CUL9: variants seen among roughly 807,000 people sequenced by gnomAD.
The protein encoded by CUL9 is cullin-9.
A neutral mutation model predicts 272.6 loss-of-function variants in CUL9; 79 were observed. The observed-to-expected ratio is 0.29, with a 90% confidence interval of 0.24 to 0.35. The LOEUF is 0.35. Among genes scored for constraint, CUL9 ranks in the 10% least tolerant of loss-of-function variants. The probability of loss-of-function intolerance (pLI) is 1.00; values close to 1 mark genes in which losing one functional copy is unlikely to be tolerated. For synonymous variants in CUL9, 1,186 were observed against 1,286.5 expected (o/e 0.92, Z 1.67); for missense variants, 2,532 against 3,255.6 (o/e 0.78, Z 5.41).
In CUL9 at chr6:43,196,067, A is replaced by G; in HGVS notation, c.2389-2A>G. The G allele has an allele frequency of 6.2e-7, 1 of 1,609,836 alleles. No individual in the cohort carries two copies. Among genetic ancestry groups the G allele is most frequent in the Non-Finnish European group, 8.5e-7 (1 of 1,176,994 alleles). On this transcript the variant is annotated splice_acceptor_variant, in intron 9 of 40. Coordinates refer to ENST00000252050, the MANE Select transcript of CUL9 (RefSeq NM_015089.4). LOFTEE classifies it high-confidence loss of function. ...CACTCTGCTTTCACATCCCCCTCAC[A>G]GGCACTGAAGATGCTGGCCGTCGCC...
chr6:43,198,225 C>A (rs1211016558), intron 11 of CUL9: 1 of 983,740 alleles, frequency 1.0e-6, no homozygotes, highest in African/African-American at 1.7e-5. Context: ...TGGGTGACAG[C>A]GCTCTGTGTA....
intron 29 of CUL9, among the ~76,000 whole-genome samples, chr6:43,214,599 G>A (rs766904296): frequency 1.4e-4 from 21 of 152,008 alleles, no homozygotes; most frequent in Admixed American, 1.3e-4. Context: ...TCAGGAATTC[G>A]TGACCAGCCT....
At chr6:43,182,411 C>T (rs1319571100) in intron 1 of CUL9, among the ~76,000 whole-genome samples, 162 bp downstream of exon 1, 2 of 148,714 alleles carry the variant, frequency 1.3e-5, no homozygotes, top group Admixed American at 6.7e-5. Flanking sequence ...AACCATCCTT[C>T]CCCCTCCCCC....
Position 43,223,577 on chromosome 6 carries a change from C to T in CUL9, c.7284+180C>T, listed in dbSNP as rs1020258405. ...GCCAACCTGCCTGATGCTGCTGGAC[C>T]CTATCACTTCACCTCCTGGGGATTC... On this transcript the variant is annotated intron_variant, in intron 39 of 40. Coordinates refer to ENST00000252050, the MANE Select transcript of CUL9 (RefSeq NM_015089.4). The surrounding 1 kb of genome is among the most constrained non-coding windows in gnomAD (Gnocchi z 4.1). 3.1e-5 allele frequency: 23 copies of T among 732,480 alleles called. No individual in the cohort carries two copies. In the African/African-American group the frequency reaches 4.2e-4, roughly 13 times the overall value. 45.4% of individuals were successfully genotyped at this position (732,480 alleles called of 1,614,324 possible). A position where few individuals can be genotyped will look rare whatever the true frequency, so the allele number is the denominator to read the frequency against.
At chr6:43,198,384 G>A in intron 11 of CUL9, 1 of 981,860 alleles carries the variant, frequency 1.0e-6, no homozygotes, top group Non-Finnish European at 1.2e-6. Flanking sequence ...AATGTCTTGT[G>A]TTTAACTCGA....
Position 43,200,483 on chromosome 6 carries a change from C to T in CUL9, c.3432C>T (p.Ile1144=), listed in dbSNP as rs1483500139. ...IEDHRRTHQP[I]NIPFFDVFLR... ...ACCACAGACGAACCCACCAACCCAT[C>T]AATATCCCCTTCTTTGATGTGTTCC... The change falls in exon 15 of 41, where the codon ATC becomes ATT. Residue 1144 remains isoleucine, a synonymous_variant. Coordinates refer to ENST00000252050, the MANE Select transcript of CUL9 (RefSeq NM_015089.4). This position sits in a 1 kb window ranked among gnomAD's most constrained non-coding sequence, Gnocchi z 4.0. 6.2e-7 allele frequency: 1 copy of T among 1,614,078 alleles called. No homozygotes were observed. Among genetic ancestry groups the T allele is most frequent in the Non-Finnish European group, 8.5e-7 (1 of 1,180,056 alleles).
Position 43,184,621 on chromosome 6 carries a change from C to T in CUL9, c.311C>T (p.Pro104Leu). ...AGVSGSFPRD[P>L]GGLDEVAMGE... Reference sequence around the variant, plus strand: ...GTTTCAGGAAGCTTTCCTCGAGATCCAGGAGGCCTGGATGAAGTGGCAATG... The same window carrying T: ...GTTTCAGGAAGCTTTCCTCGAGATCTAGGAGGCCTGGATGAAGTGGCAATG... Residue 104 changes from proline (P) to leucine (L), a missense_variant, in exon 2 of 41, where the codon CCA becomes CTA. By Grantham distance (98) the Pro-to-Leu change is moderately conservative. Coordinates refer to ENST00000252050, the MANE Select transcript of CUL9 (RefSeq NM_015089.4). The surrounding 1 kb of genome is among the most constrained non-coding windows in gnomAD (Gnocchi z 4.8). The T allele has an allele frequency of 6.2e-7, 1 of 1,612,280 alleles. No homozygotes were observed. Among genetic ancestry groups the T allele is most frequent in the Admixed American group, 1.7e-5 (1 of 59,972 alleles).
chr6:43,220,797 C>A lies in CUL9; in HGVS notation c.6474C>A (p.Thr2158=). The A allele has an allele frequency of 1.2e-6, 2 of 1,613,524 alleles. No individual in the cohort carries two copies. Among genetic ancestry groups the A allele is most frequent in the Non-Finnish European group, 1.7e-6 (2 of 1,179,986 alleles). ...ATGTGGAGAGCTGCTCCAACCTGAC[C>A]TGGTGCACCAACCCCCAGGGCTGCG... The part of the protein sequence containing the change: ...RGYVESCSNL[T]WCTNPQGCDR... The change falls in exon 33 of 41, where the codon ACC becomes ACA. Residue 2158 remains threonine (T), a synonymous_variant. Coordinates refer to ENST00000252050, the MANE Select transcript of CUL9 (RefSeq NM_015089.4). This position sits in a 1 kb window ranked among gnomAD's most constrained non-coding sequence, Gnocchi z 4.9.
chr6:43,220,386 T>C lies in CUL9; in HGVS notation c.6283-73T>C. On this transcript the variant is annotated intron_variant, in intron 31 of 40. Transcript: ENST00000252050. This position sits in a 1 kb window ranked among gnomAD's most constrained non-coding sequence, Gnocchi z 4.9. ...GGGGAAGGGAAGGAGGGACGCTAGC[T>C]TAGTTACCAGGACACTCCCCCTGTG... 1.9e-6 allele frequency: 3 copies of C among 1,550,424 alleles called. No individual in the cohort carries two copies. The highest frequency in any genetic ancestry group is 2.6e-6 in the Non-Finnish European group (3 of 1,133,484).
Position 43,186,119 on chromosome 6 carries a change from T to C in CUL9, c.915T>C (p.Ala305=). 6.2e-7 allele frequency: 1 copy of C among 1,614,214 alleles called. No individual in the cohort carries two copies. Among genetic ancestry groups the C allele is most frequent in the Non-Finnish European group, 8.5e-7 (1 of 1,180,014 alleles). ...AGCGGGAACTGGAGTTCAGCATGGC[T>C]GTGGGCAACCTCATCTCTGAGCTTG... is the stretch of plus-strand genomic sequence containing the variant. ...RGQRELEFSM[A]VGNLISELVR... The change falls in exon 4 of 41, where the codon GCT becomes GCC. Residue 305 remains alanine (A), a synonymous_variant. Transcript: ENST00000252050.
rs1450784538 is a variant in CUL9, at chr6:43,200,408, C to T, written c.3385-28C>T. On this transcript the variant is annotated intron_variant, in intron 14 of 40. Coordinates refer to ENST00000252050, the MANE Select transcript of CUL9 (RefSeq NM_015089.4). The surrounding 1 kb of genome is among the most constrained non-coding windows in gnomAD (Gnocchi z 4.0). ...CTCTGTGTTCCTCCCTCTCCTCTTC[C>T]TCATTCTCCCTGATGTTCCGGCTGC... 3.7e-6 allele frequency: 6 copies of T among 1,614,122 alleles called. No homozygotes were observed. The highest frequency in any genetic ancestry group is 5.1e-6 in the Non-Finnish European group (6 of 1,180,026).
rs933282602 is a variant in CUL9, at chr6:43,223,896, G to A, written c.7285-199G>A. ...GTAAGCTCTTTAAGCACAGGGTCGT[G>A]TGCCTCACCTGGTACCCCGTATCCC... is the stretch of plus-strand genomic sequence containing the variant. On this transcript the variant is annotated intron_variant, in intron 39 of 40. Coordinates refer to ENST00000252050, the MANE Select transcript of CUL9 (RefSeq NM_015089.4). This position sits in a 1 kb window ranked among gnomAD's most constrained non-coding sequence, Gnocchi z 4.1. 14 of 619,268 alleles carry A rather than the reference G, an allele frequency of 2.3e-5. No individual in the cohort carries two copies. The highest frequency in any genetic ancestry group is 1.6e-4 in the Admixed American group (6 of 36,902). The allele number at this position is 619,268 out of a possible 1,614,324, so 38.4% of individuals were successfully genotyped here.
At position 43,186,294 on chromosome 6, in the gene CUL9, C is replaced by T. The variant is rs755456316; in HGVS notation, c.1090C>T (p.Arg364Cys). 5.1e-5 allele frequency: 83 copies of T among 1,614,218 alleles called. No homozygotes were observed. The highest frequency in any genetic ancestry group is 6.7e-5 in the Non-Finnish European group (79 of 1,180,044). The change falls in exon 4 of 41, where the codon CGC becomes TGC. Residue 364 changes from arginine to cysteine, a missense_variant. Physicochemically the swap from Arg to Cys is radical, Grantham distance 180 (BLOSUM62 -3). This residue lies in a region of CUL9 where 2,218 missense variants were observed against 2,788.6 expected (regional missense o/e 0.80). Coordinates refer to ENST00000252050, the MANE Select transcript of CUL9 (RefSeq NM_015089.4). ...TTPRRQGWVF[R>C]QRSEFSSRSG... ...CCCCAGAAGACAAGGGTGGGTCTTC[C>T]GCCAGCGCTCTGAATTCTCCAGCCG...
At chr6:43,204,295 T>C in intron 20 of CUL9, 65 bp from the exon 21 acceptor site, 1 of 1,573,328 alleles carries the variant, frequency 6.4e-7, no homozygotes, top group Non-Finnish European at 8.7e-7. Flanking sequence ...TTCTCCCTCC[T>C]CTGCCCTGAG....
At chr6:43,204,664 C>A in intron 21 of CUL9, 84 bp from the exon 22 acceptor site, 1 of 1,580,760 alleles carries the variant, frequency 6.3e-7, no homozygotes, top group South Asian at 1.1e-5. Flanking sequence ...ACCTACTGGC[C>A]TTTCCAGGAG....
Position 43,200,861 on chromosome 6 carries a change from T to C in CUL9, c.3647+27T>C. ...TGTGAACACACATATATGAATGTTC[T>C]GCTGTGCCCCAGGATACTTCCCCAA... On this transcript the variant is annotated intron_variant, in intron 16 of 40. Coordinates refer to ENST00000252050, the MANE Select transcript of CUL9 (RefSeq NM_015089.4). The surrounding 1 kb of genome is among the most constrained non-coding windows in gnomAD (Gnocchi z 4.0). 2 of 1,612,620 alleles carry C rather than the reference T, an allele frequency of 1.2e-6. No individual in the cohort carries two copies. The highest frequency in any genetic ancestry group is 1.7e-5 in the Admixed American group (1 of 60,016).
At chr6:43,198,886 G>A (rs766109180) in intron 12 of CUL9, 31 bp downstream of exon 12, 1 of 1,598,184 alleles carries the variant, frequency 6.3e-7, no homozygotes, top group South Asian at 1.1e-5. Flanking sequence ...CCATGCATTG[G>A]GACGAGGGAA....
rs1434969641 is a variant in CUL9, at chr6:43,223,364, G to A, written c.7251G>A (p.Glu2417=). The part of the protein sequence containing the change: ...TGMELLRRIQ[E]RLLAILQHSA... ...TGGAGCTGCTCCGGCGGATCCAGGA[G>A]AGGCTGCTTGCCATCCTGCAGCATT... The change falls in exon 39 of 41, where the codon GAG becomes GAA. Residue 2417 remains glutamate, a synonymous_variant. Coordinates refer to ENST00000252050, the MANE Select transcript of CUL9 (RefSeq NM_015089.4). This position sits in a 1 kb window ranked among gnomAD's most constrained non-coding sequence, Gnocchi z 4.1. The A allele has an allele frequency of 1.9e-6, 3 of 1,601,094 alleles. No individual in the cohort carries two copies. The highest frequency in any genetic ancestry group is 2.6e-6 in the Non-Finnish European group (3 of 1,173,744).
Position 43,213,054 on chromosome 6 carries a change from T to C in CUL9, c.5213-95T>C. On this transcript the variant is annotated intron_variant, in intron 26 of 40. Transcript: ENST00000252050. This position sits in a 1 kb window ranked among gnomAD's most constrained non-coding sequence, Gnocchi z 5.7. ...GAAAATGCTGGGGCCCTCCTCCCCA[T>C]AGGGACTAGTAGGAGCAAAGCTTGA... is the stretch of plus-strand genomic sequence containing the variant. 2.2e-6 allele frequency: 3 copies of C among 1,391,596 alleles called. No individual in the cohort carries two copies. Among genetic ancestry groups the C allele is most frequent in the Non-Finnish European group, 3.0e-6 (3 of 1,012,224 alleles). 86.2% of individuals were successfully genotyped at this position (1,391,596 alleles called of 1,614,324 possible).
Sources: gnomAD v4.1 joint callset for allele counts (sites outside exome capture counted in the v4.1 genomes callset) on GRCh38, gnomAD v4.1.1 for gene constraint, gnomAD v4.1.1 regional missense constraint, Gnocchi (gnomAD v3.1) non-coding constraint, MANE v1.5 for transcripts, NCBI Gene and HGNC (gene_info 2026-07-23, HGNC 2026-07-21) for gene names.